NOL10: variants seen among roughly 807,000 people sequenced by gnomAD.
NOL10 encodes H_NH0074G24.1.
Under a neutral mutation model 103.5 loss-of-function variants are expected in NOL10, and 58 were observed. The ratio of observed to expected loss-of-function variants is 0.56; its 90% CI spans 0.45 to 0.70. The LOEUF is 0.70. Among genes scored for constraint, NOL10 ranks in the 30% least tolerant of loss-of-function variants. NOL10 has a pLI of 0.00. For missense variants in NOL10, 763 were observed against 807.3 expected (o/e 0.95, Z 0.67); for synonymous variants, 287 against 282.5 (o/e 1.02, Z -0.16).
chr2:10,627,914 AAAT>A (rs922817269), intron 13 of NOL10, among the ~76,000 whole-genome samples: 14 of 152,260 alleles, frequency 9.2e-5, no homozygotes, highest in Middle Eastern at 3.4e-3. Flanking sequence ...TAAAAAATAA[AAAT>A]AATAAAAAAT....
At chr2:10,635,080 T>A (rs554435997) in intron 13 of NOL10, among the ~76,000 whole-genome samples, 2 of 152,336 alleles carry the variant, frequency 1.3e-5, no homozygotes, top group Admixed American at 1.3e-4. Flanking sequence ...TATCTTGGGA[T>A]GAGACCCAAG....
chr2:10,580,567 ATT>A (rs1674694971), intron 19 of NOL10, among the ~76,000 whole-genome samples: 1 of 152,216 alleles, frequency 6.6e-6, no homozygotes, highest in Admixed American at 6.5e-5. Flanking sequence ...AGTGGGTAGA[ATT>A]ACTCAGTGTA....
At chr2:10,651,709 G>A (rs990118167) in intron 12 of NOL10, among the ~76,000 whole-genome samples, 1 of 151,830 alleles carries the variant, frequency 6.6e-6, no homozygotes, top group Admixed American at 6.6e-5. Context: ...CGTCACCCTT[G>A]CCCCAACCTC....
At chr2:10,583,972 A>T (rs1271348824) in intron 19 of NOL10, among the ~76,000 whole-genome samples, 2 of 152,192 alleles carry the variant, frequency 1.3e-5, no homozygotes. Context: ...ATTGGATCCC[A>T]TTCATCTAAG....
At chr2:10,683,030 G>A (rs774781655) in intron 2 of NOL10, among the ~76,000 whole-genome samples, 18 of 152,212 alleles carry the variant, frequency 1.2e-4, no homozygotes, top group South Asian at 4.2e-4. Flanking sequence ...TGATCTGCCC[G>A]CCTGGGCCTT....
chr2:10,661,706 G>T (rs1680220623), intron 9 of NOL10, among the ~76,000 whole-genome samples: 1 of 151,962 alleles, frequency 6.6e-6, no homozygotes, highest in Non-Finnish European at 1.5e-5. Flanking sequence ...TTACTCTCCT[G>T]AGTTTCTCAG....
chr2:10,681,825 G>A, intron 3 of NOL10, 146 bp downstream of exon 3: 1 of 387,182 alleles, frequency 2.6e-6, no homozygotes, highest in East Asian at 3.9e-5. Context: ...TAGTTAAATG[G>A]GTGTTTACTA....
At chr2:10,679,033 G>A (rs1481404649) in intron 3 of NOL10, among the ~76,000 whole-genome samples, 4 of 152,016 alleles carry the variant, frequency 2.6e-5, no homozygotes, top group Non-Finnish European at 5.9e-5. Flanking sequence ...GACCAATGTG[G>A]GCAAAATACT....
At chr2:10,643,312 T>C (rs531161173) in intron 13 of NOL10, among the ~76,000 whole-genome samples, 51 of 152,278 alleles carry the variant, frequency 3.3e-4, no homozygotes, top group Admixed American at 1.6e-3. Context: ...ACAGGAATAA[T>C]TTTCATACCT....
intron 17 of NOL10, among the ~76,000 whole-genome samples, chr2:10,592,398 T>C (rs1298427410): frequency 1.3e-5 from 2 of 152,148 alleles, no homozygotes; most frequent in Non-Finnish European, 2.9e-5. Flanking sequence ...ACGCTCCATT[T>C]AGGGCTGCCT....
intron 13 of NOL10, among the ~76,000 whole-genome samples, chr2:10,618,490 T>A (rs1676956636): frequency 6.6e-6 from 1 of 152,234 alleles, no homozygotes; most frequent in Admixed American, 6.5e-5. Flanking sequence ...TACTTCAGAC[T>A]ATTTCTATAC....
intron 20 of NOL10, among the ~76,000 whole-genome samples, chr2:10,576,339 AC>A (rs1674448973): frequency 6.6e-6 from 1 of 152,186 alleles, no homozygotes; most frequent in Non-Finnish European, 1.5e-5. Context: ...AAATAGCTAC[AC>A]TAGCAATTCT....
intron 2 of NOL10, among the ~76,000 whole-genome samples, chr2:10,683,855 C>T (rs1037645636): frequency 6.6e-6 from 1 of 152,202 alleles, no homozygotes; most frequent in South Asian, 2.1e-4. Flanking sequence ...ATCTGCATTT[C>T]TAGCCCAGGA....
At chr2:10,661,740 A>C (rs562040362) in intron 9 of NOL10, among the ~76,000 whole-genome samples, 2 of 152,222 alleles carry the variant, frequency 1.3e-5, no homozygotes, top group East Asian at 3.9e-4. Context: ...CATCATCTGC[A>C]AATAATGACA....
chr2:10,682,818 C>T (rs909281022), intron 2 of NOL10, among the ~76,000 whole-genome samples: 1 of 150,998 alleles, frequency 6.6e-6, no homozygotes, highest in Non-Finnish European at 1.5e-5. Flanking sequence ...ACAAGTCTCA[C>T]CTGTTGTCCA....
chr2:10,623,172 A>G (rs1181927282), intron 13 of NOL10, among the ~76,000 whole-genome samples: 1 of 151,816 alleles, frequency 6.6e-6, no homozygotes, highest in African/African-American at 2.4e-5. Flanking sequence ...AGTCCCTTGA[A>G]TAAAACCCTT....
intron 1 of NOL10, among the ~76,000 whole-genome samples, chr2:10,687,020 C>T (rs1682261556): frequency 6.6e-6 from 1 of 152,154 alleles, no homozygotes; most frequent in Admixed American, 6.5e-5. Flanking sequence ...TGCTTAAAGC[C>T]AGGAGACTGC....
intron 5 of NOL10, among the ~76,000 whole-genome samples, chr2:10,672,917 C>T (rs1427818863): frequency 4.6e-5 from 7 of 152,112 alleles, no homozygotes; most frequent in Middle Eastern, 3.4e-3. Context: ...CACTTGAACT[C>T]GGGAGGCTGA....
intron 13 of NOL10, among the ~76,000 whole-genome samples, chr2:10,643,883 C>A (rs1678880162): frequency 6.6e-6 from 1 of 152,156 alleles, no homozygotes; most frequent in Non-Finnish European, 1.5e-5. Context: ...GCAAATTCAA[C>A]CCAAAAGTGA....
Sources: allele counts gnomAD v4.1 joint callset (sites outside exome capture counted in the v4.1 genomes callset), GRCh38; gene constraint gnomAD v4.1.1; transcripts MANE v1.5; gene names NCBI Gene and HGNC (gene_info 2026-07-23, HGNC 2026-07-21).